The following DNAH5 variants were observed in gnomAD, a reference collection of about 807,000 sequenced individuals.
The protein encoded by DNAH5 is axonemal beta dynein heavy chain 5.
Under a neutral mutation model 518.2 loss-of-function variants are expected in DNAH5, and 372 were observed. The ratio of observed to expected loss-of-function variants is 0.72; its 90% confidence interval spans 0.66 to 0.78. The LOEUF is 0.78. Ranked by LOEUF, DNAH5 falls within the 30% of genes least tolerant of loss-of-function variation. The pLI is 0.00. For synonymous variants in DNAH5, 2,039 were observed against 2,025.9 expected, an observed-to-expected ratio of 1.01 and a Z score of -0.17; for missense variants, 5,523 against 5,687.0, an observed-to-expected ratio of 0.97 and a Z score of 0.93.
intron 17 of DNAH5, among the ~76,000 whole-genome samples, chr5:13,889,059 C>T (rs1216223857): frequency 6.6e-6 from 1 of 151,994 alleles, no homozygotes; most frequent in East Asian, 1.9e-4. Flanking sequence ...TATTCAAAAC[C>T]TGATATATAT....
chr5:13,957,031 C>CT (rs1209820076), intron 1 of DNAH5, among the ~76,000 whole-genome samples: 1 of 152,144 alleles, frequency 6.6e-6, no homozygotes, highest in African/African-American at 2.4e-5. Context: ...GTTTATCTAG[C>CT]TTTTTTCTTT....
chr5:13,914,473 A>C, intron 10 of DNAH5, 47 bp downstream of exon 10: 1 of 1,595,590 alleles, frequency 6.3e-7, no homozygotes, highest in South Asian at 1.1e-5. Flanking sequence ...TCTCAACAAA[A>C]ATAAGATAAA....
intron 46 of DNAH5, among the ~76,000 whole-genome samples, chr5:13,808,495 A>C (rs1760034499): frequency 6.6e-6 from 1 of 152,226 alleles, no homozygotes. Context: ...TTTGGGGAAA[A>C]GCAAGTCAAA....
chr5:13,932,835 T>C (rs1778550589), intron 1 of DNAH5, among the ~76,000 whole-genome samples: 1 of 152,116 alleles, frequency 6.6e-6, no homozygotes, highest in Non-Finnish European at 1.5e-5. Flanking sequence ...TTTGGATGTG[T>C]AAGATTTTGA....
At chr5:13,702,263 C>T (rs1237816053) in intron 76 of DNAH5, among the ~76,000 whole-genome samples, 1 of 152,186 alleles carries the variant, frequency 6.6e-6, no homozygotes, top group Non-Finnish European at 1.5e-5. Flanking sequence ...GGGTATAACA[C>T]TTGAATTTCA....
chr5:13,747,832 T>C (rs1240072010), intron 65 of DNAH5, among the ~76,000 whole-genome samples: 4 of 152,232 alleles, frequency 2.6e-5, no homozygotes, highest in East Asian at 1.9e-4. Context: ...ATTCTGTAGG[T>C]TGCCTGTTCA....
Position 13,814,784 on chromosome 5 carries a change from A to T in DNAH5, c.7051T>A (p.Ser2351Thr). The change falls in exon 43 of 79, where the codon TCT (serine) becomes ACT (threonine). Residue 2351 changes from serine (S) to threonine (T), a missense_variant. By Grantham distance (58) the Ser-to-Thr change is moderately conservative. Around this residue, in one of 3 missense-constraint regions of DNAH5, gnomAD observed 5,121 missense variants for 5,223.3 expected, o/e 0.98. Transcript: ENST00000265104. ...VDAIWIENLNSVLDDNKTLTL... is the reference protein window; with the variant it reads ...VDAIWIENLNTVLDDNKTLTL... ...AGAGTTTTGTTATCATCCAAAACAG[A>T]ATTCAGATTTTCAATCCAGATGGCA... 6.2e-7 allele frequency: 1 copy of T among 1,614,018 alleles called. No homozygotes were observed. The highest frequency in any genetic ancestry group is 8.5e-7 in the Non-Finnish European group (1 of 1,179,954).
At chr5:13,769,704 G>A in intron 56 of DNAH5, 89 bp from the exon 57 acceptor site, 2 of 1,117,346 alleles carry the variant, frequency 1.8e-6, no homozygotes, top group Admixed American at 1.7e-5. Context: ...AGTGGTAATG[G>A]TTATATCTGA....
intron 1 of DNAH5, among the ~76,000 whole-genome samples, chr5:13,973,652 G>T (rs1319165841): frequency 6.6e-6 from 1 of 151,540 alleles, no homozygotes; most frequent in East Asian, 1.9e-4. Flanking sequence ...GTGAGATGTG[G>T]ATATATATAG....
intron 41 of DNAH5, among the ~76,000 whole-genome samples, chr5:13,819,419 C>T (rs985705543): frequency 6.6e-6 from 1 of 152,124 alleles, no homozygotes; most frequent in South Asian, 2.1e-4. Context: ...CCAACACCTG[C>T]AGGGTCCCAC....
Position 13,768,951 on chromosome 5 carries a change from T to G in DNAH5, c.9897+9A>C, listed in dbSNP as rs774932799. The G allele has an allele frequency of 6.2e-7, 1 of 1,614,112 alleles. No homozygotes were observed. Among genetic ancestry groups the G allele is most frequent in the Non-Finnish European group, 8.5e-7 (1 of 1,179,976 alleles). On this transcript the variant is annotated intron_variant, in intron 58 of 78. Coordinates refer to ENST00000265104, the MANE Select transcript of DNAH5 (RefSeq NM_001369.3). ...TAAAGCTGACATCTGTTATATCACATAGATGCACCTGCAATGCAGCTTCTG... is the reference window on the plus strand; with the variant it reads ...TAAAGCTGACATCTGTTATATCACAGAGATGCACCTGCAATGCAGCTTCTG...
intron 8 of DNAH5, 52 bp from the exon 9 acceptor site, chr5:13,916,507 T>C: frequency 1.1e-6 from 1 of 909,410 alleles, no homozygotes; most frequent in African/African-American, 1.6e-5. Context: ...TCAGCAAAAT[T>C]CTAATAGACT....
rs192807418 is a variant in DNAH5, at chr5:13,810,465, G to A, written c.7408-205C>T. 2.2e-3 allele frequency: 1,355 copies of A among 619,120 alleles called. 11 individuals are homozygous for A. The highest frequency in any genetic ancestry group is 0.016 in the African/African-American group (878 of 53,808). 38.4% of individuals were successfully genotyped at this position (619,120 alleles called of 1,614,324 possible). A position where few individuals can be genotyped will look rare whatever the true frequency, so the allele number is the denominator to read the frequency against. On this transcript the variant is annotated intron_variant, in intron 44 of 78. Coordinates refer to ENST00000265104, the MANE Select transcript of DNAH5 (RefSeq NM_001369.3). ...CTTTAAACATAATAGGGTTGGCCGG[G>A]CACGGTGGCTCATGCCTGTACTCCC...
chr5:13,916,634 T>C (rs1300774394), intron 8 of DNAH5, among the ~76,000 whole-genome samples, 179 bp from the exon 9 acceptor site: 2 of 152,046 alleles, frequency 1.3e-5, no homozygotes, highest in Non-Finnish European at 2.9e-5. Flanking sequence ...TAGTCACATA[T>C]GGTTAATCAA....
intron 70 of DNAH5, among the ~76,000 whole-genome samples, chr5:13,723,847 T>C (rs1354191): frequency 0.36 from 55,458 of 152,112 alleles, 10,467 homozygotes; most frequent in South Asian, 0.45. Flanking sequence ...ACCTCTGGAA[T>C]AGATAACCAC....
At chr5:13,963,545 C>T (rs1234275526) in intron 1 of DNAH5, among the ~76,000 whole-genome samples, 1 of 151,364 alleles carries the variant, frequency 6.6e-6, no homozygotes, top group Admixed American at 6.6e-5. Flanking sequence ...CACCATTGCA[C>T]CCAGCCTGGG....
chr5:13,990,812 A>C (rs1400356595), intron 1 of DNAH5, among the ~76,000 whole-genome samples: 1 of 152,208 alleles, frequency 6.6e-6, no homozygotes, highest in East Asian at 1.9e-4. Flanking sequence ...GATTGCAGTG[A>C]GCCAAGATTG....
intron 38 of DNAH5, among the ~76,000 whole-genome samples, chr5:13,828,005 C>A (rs1161672207): frequency 1.3e-5 from 2 of 152,224 alleles, no homozygotes; most frequent in African/African-American, 2.4e-5. Context: ...TTCAATTAAA[C>A]CTCTTTCCTT....
At chr5:13,842,741 T>C (rs1177910534) in intron 32 of DNAH5, among the ~76,000 whole-genome samples, 3 of 152,118 alleles carry the variant, frequency 2.0e-5, no homozygotes, top group Non-Finnish European at 2.9e-5. Flanking sequence ...ACAGACCCTT[T>C]CCAAGGTCCT....
Sources: allele counts gnomAD v4.1 joint callset (sites outside exome capture counted in the v4.1 genomes callset), GRCh38; gene constraint gnomAD v4.1.1; regional missense constraint gnomAD v4.1.1; transcripts MANE v1.5; gene names NCBI Gene and HGNC (gene_info 2026-07-23, HGNC 2026-07-21).